The following ZFHX3 variants were observed in gnomAD, a reference collection of about 807,000 sequenced individuals.
ZFHX3 encodes zinc finger homeobox 3.
ZFHX3 carries 42 observed loss-of-function variants against 279.1 expected under a neutral mutation model. That is an observed-to-expected ratio of 0.15 (90% CI 0.12 to 0.19). ZFHX3 has a LOEUF of 0.19. Ranked by LOEUF, ZFHX3 falls within the 10% of genes least tolerant of loss-of-function variation. The pLI is 1.00. For missense variants in ZFHX3, 4,981 were observed against 4,754.0 expected, an observed-to-expected ratio of 1.05 and a Z score of -1.40; for synonymous variants, 2,293 against 1,957.8, an observed-to-expected ratio of 1.17 and a Z score of -4.52.
At chr16:73,886,748 A>C (rs897947592) in intron 1 of ZFHX3, among the ~76,000 whole-genome samples, 3 of 152,236 alleles carry the variant, frequency 2.0e-5, no homozygotes, top group Non-Finnish European at 2.9e-5. Flanking sequence ...AAAACAAGGA[A>C]AATCAGGGAG....
intron 4 of ZFHX3, among the ~76,000 whole-genome samples, chr16:73,262,889 G>A (rs916963196): frequency 3.9e-5 from 6 of 152,012 alleles, no homozygotes; most frequent in East Asian, 1.9e-4. Flanking sequence ...AAGAATCCCC[G>A]AGGAAGCCCT....
intron 2 of ZFHX3, among the ~76,000 whole-genome samples, chr16:73,632,247 T>C (rs2052480759): frequency 6.6e-6 from 1 of 152,216 alleles, no homozygotes; most frequent in African/African-American, 2.4e-5. Flanking sequence ...AAATGGTTCT[T>C]ACCCTTGAAG....
At chr16:73,224,846 G>A (rs908218766) in intron 5 of ZFHX3, among the ~76,000 whole-genome samples, 2 of 152,104 alleles carry the variant, frequency 1.3e-5, no homozygotes, top group African/African-American at 4.8e-5. Context: ...ACGATCTTCT[G>A]CTTGGAAAGG....
intron 7 of ZFHX3, among the ~76,000 whole-genome samples, chr16:73,097,230 A>AT (rs1966176050): frequency 1.0e-5 from 1 of 99,232 alleles, no homozygotes; most frequent in Non-Finnish European, 1.9e-5. Context: ...AGCTAATTTT[A>AT]ATTTTTTTTT....
At position 72,958,952 on chromosome 16, in the gene ZFHX3, G is replaced by A; in HGVS notation, c.1194C>T (p.Ser398=). ...EQPQAGLLTP[S]TLLNLGGLTS... ...TGAGCCCGCCAAGGTTCAACAGGGT[G>A]CTGGGGGTCAAGAGACCAGCCTGGG... The change falls in exon 2 of 10, where the codon AGC becomes AGT. Residue 398 remains serine (S), a synonymous_variant. Transcript: ENST00000268489. 3 of 1,598,894 alleles carry A rather than the reference G, an allele frequency of 1.9e-6. No individual in the cohort carries two copies. Among genetic ancestry groups the A allele is most frequent in the East Asian group, 2.2e-5 (1 of 44,724 alleles).
At chr16:73,445,390 C>T (rs1016381430) in intron 3 of ZFHX3, among the ~76,000 whole-genome samples, 13 of 151,732 alleles carry the variant, frequency 8.6e-5, no homozygotes, top group Admixed American at 8.5e-4. Context: ...ACCCCTTCAC[C>T]ATTTTTCAGG....
chr16:73,639,973 A>T (rs764742640), intron 2 of ZFHX3, among the ~76,000 whole-genome samples: 3 of 152,200 alleles, frequency 2.0e-5, no homozygotes, highest in Non-Finnish European at 4.4e-5. Flanking sequence ...GAAAGAGGCT[A>T]AAAATTGGAG....
intron 4 of ZFHX3, chr16:73,294,129 G>GACAATT (rs2014845400): frequency 6.6e-6 from 1 of 151,960 alleles, no homozygotes; most frequent in African/African-American, 2.4e-5. Flanking sequence ...TTGTTGTGTT[G>GACAATT]GGATATTTAT....
chr16:73,417,436 C>T (rs1249793602), intron 3 of ZFHX3, among the ~76,000 whole-genome samples: 2 of 111,110 alleles, frequency 1.8e-5, no homozygotes, highest in South Asian at 2.8e-4. Flanking sequence ...CTTGCTATGT[C>T]GCCCAGTTTG....
chr16:73,507,556 T>G (rs1012439764), intron 2 of ZFHX3, among the ~76,000 whole-genome samples: 12 of 139,826 alleles, frequency 8.6e-5, no homozygotes, highest in Admixed American at 8.0e-4. Flanking sequence ...AGTACAGTGG[T>G]GCAGTCATGG....
intron 2 of ZFHX3, among the ~76,000 whole-genome samples, chr16:73,543,269 T>C (rs1224692226): frequency 6.6e-6 from 1 of 152,258 alleles, no homozygotes; most frequent in Non-Finnish European, 1.5e-5. Context: ...ATCACTTGAA[T>C]TTAAAATCTT....
intron 4 of ZFHX3, among the ~76,000 whole-genome samples, chr16:72,853,807 G>C (rs1323214683): frequency 6.6e-6 from 1 of 152,060 alleles, no homozygotes; most frequent in African/African-American, 2.4e-5. Context: ...GAAAGGGAGA[G>C]AATGAAGAAA....
At chr16:73,153,224 T>G (rs1475467736) in intron 5 of ZFHX3, among the ~76,000 whole-genome samples, 1 of 152,222 alleles carries the variant, frequency 6.6e-6, no homozygotes, top group African/African-American at 2.4e-5. Flanking sequence ...CTCTCAACTT[T>G]GGATGTAAGA....
intron 3 of ZFHX3, among the ~76,000 whole-genome samples, chr16:73,415,914 G>T (rs1368098399): frequency 6.6e-6 from 1 of 152,104 alleles, no homozygotes; most frequent in Non-Finnish European, 1.5e-5. Flanking sequence ...GAGGTCAGGA[G>T]TTCAAGACTA....
At chr16:73,726,144 T>A (rs916742833) in intron 1 of ZFHX3, among the ~76,000 whole-genome samples, 3 of 152,154 alleles carry the variant, frequency 2.0e-5, no homozygotes, top group Non-Finnish European at 2.9e-5. Flanking sequence ...TCTTAACTTA[T>A]CCTTTGGGGT....
At chr16:72,944,035 A>C (rs768815433) in intron 3 of ZFHX3, among the ~76,000 whole-genome samples, 4 of 152,214 alleles carry the variant, frequency 2.6e-5, no homozygotes, top group Non-Finnish European at 5.9e-5. Context: ...ACAAACTGAC[A>C]CTTTGGGAGG....
chr16:73,216,950 C>T (rs985066008), intron 5 of ZFHX3, among the ~76,000 whole-genome samples: 10 of 152,212 alleles, frequency 6.6e-5, no homozygotes, highest in Admixed American at 1.3e-4. Flanking sequence ...AGACATGTTC[C>T]GAAAGCATGG....
chr16:72,799,431 G>C (rs914716413), intron 8 of ZFHX3, among the ~76,000 whole-genome samples: 4 of 152,172 alleles, frequency 2.6e-5, no homozygotes, highest in Non-Finnish European at 5.9e-5. Flanking sequence ...AGAGAAGGCA[G>C]GACAGTAGTG....
chr16:72,999,215 T>G (rs909430024), intron 1 of ZFHX3, among the ~76,000 whole-genome samples: 2 of 152,228 alleles, frequency 1.3e-5, no homozygotes, highest in African/African-American at 2.4e-5. Flanking sequence ...AGTGGCACCA[T>G]CTTCCCTCAC....
Sources: allele counts gnomAD v4.1 joint callset (sites outside exome capture counted in the v4.1 genomes callset), GRCh38; gene constraint gnomAD v4.1.1; transcripts MANE v1.5; gene names NCBI Gene and HGNC (gene_info 2026-07-23, HGNC 2026-07-21).